Variants in CALN1 observed in about 807,000 individuals in gnomAD.
The protein encoded by CALN1 is calcium-binding protein 8.
A neutral mutation model predicts 30.6 loss-of-function variants in CALN1; 17 were observed. The observed-to-expected ratio is 0.56, with a 90% CI of 0.38 to 0.83. The LOEUF is 0.83. Ranked by LOEUF, CALN1 falls within the 40% of genes least tolerant of loss-of-function variation. CALN1 has a pLI of 0.00. For synonymous variants in CALN1, 156 were observed against 131.4 expected (o/e 1.19, Z -1.28); for missense variants, 291 against 354.9 (o/e 0.82, Z 1.45).
At chr7:71,883,127 C>CTCTAGT (rs937384577) in intron 5 of CALN1, among the ~76,000 whole-genome samples, 2 of 151,954 alleles carry the variant, frequency 1.3e-5, no homozygotes, top group African/African-American at 4.8e-5. Context: ...ATATCTATAG[C>CTCTAGT]TCTATATCTA....
At chr7:71,873,861 T>C (rs1792089681) in intron 5 of CALN1, among the ~76,000 whole-genome samples, 1 of 152,268 alleles carries the variant, frequency 6.6e-6, no homozygotes, top group Non-Finnish European at 1.5e-5. Context: ...ATAACAACTA[T>C]TCTGTTGCAA....
chr7:72,199,589 G>A (rs551397698), intron 3 of CALN1, among the ~76,000 whole-genome samples: 6 of 152,286 alleles, frequency 3.9e-5, no homozygotes, highest in East Asian at 1.9e-4. Context: ...AGTGGTGCCC[G>A]TCTGTAATCC....
intron 5 of CALN1, among the ~76,000 whole-genome samples, chr7:71,906,224 A>G (rs1009545497): frequency 6.6e-6 from 1 of 152,184 alleles, no homozygotes; most frequent in Non-Finnish European, 1.5e-5. Context: ...CGCTCTGGTG[A>G]TCATTCCTAT....
chr7:72,321,230 G>A (rs1037628402), intron 2 of CALN1, among the ~76,000 whole-genome samples: 1 of 152,134 alleles, frequency 6.6e-6, no homozygotes, highest in Non-Finnish European at 1.5e-5. Flanking sequence ...TCATCTCAAG[G>A]CAGCTCACAA....
chr7:72,098,762 G>GGCACACACACA (rs1806419176), intron 4 of CALN1, among the ~76,000 whole-genome samples: 12 of 115,290 alleles, frequency 1.0e-4, no homozygotes, highest in African/African-American at 4.1e-4. Flanking sequence ...CCCATTTGGC[G>GGCACACACACA]CGCACACACA....
chr7:71,977,846 C>T (rs1180409055), intron 5 of CALN1, among the ~76,000 whole-genome samples: 1 of 150,352 alleles, frequency 6.7e-6, no homozygotes, highest in Non-Finnish European at 1.5e-5. Context: ...GAAGGAGAAT[C>T]GCTTGAACCT....
chr7:72,075,091 C>G (rs1194637392), intron 4 of CALN1, among the ~76,000 whole-genome samples: 1 of 152,174 alleles, frequency 6.6e-6, no homozygotes, highest in Non-Finnish European at 1.5e-5. Flanking sequence ...AGCTTGAGTC[C>G]AAAGTCAAGA....
chr7:72,194,585 C>G (rs915795857), intron 3 of CALN1, among the ~76,000 whole-genome samples: 2 of 146,654 alleles, frequency 1.4e-5, no homozygotes, highest in Non-Finnish European at 3.0e-5. Flanking sequence ...GATCTCCTAA[C>G]TGGCCTCTTT....
chr7:72,008,748 C>A (rs546539579), intron 5 of CALN1, among the ~76,000 whole-genome samples: 1 of 151,574 alleles, frequency 6.6e-6, no homozygotes, highest in Non-Finnish European at 1.5e-5. Context: ...CTCCGCCTCC[C>A]GGGTTCAAGT....
At chr7:71,939,946 C>T (rs774479641) in intron 5 of CALN1, among the ~76,000 whole-genome samples, 7 of 152,182 alleles carry the variant, frequency 4.6e-5, no homozygotes, top group Admixed American at 2.6e-4. Flanking sequence ...ACAGAGGATA[C>T]GCCTTACAAA....
chr7:72,271,014 T>C (rs1233802779), intron 3 of CALN1, among the ~76,000 whole-genome samples: 2 of 152,150 alleles, frequency 1.3e-5, no homozygotes, highest in Non-Finnish European at 2.9e-5. Flanking sequence ...TCAAGATATA[T>C]GGGACTAAAG....
At chr7:72,115,503 T>A in intron 3 of CALN1, among the ~76,000 whole-genome samples, 1 of 119,458 alleles carries the variant, frequency 8.4e-6, no homozygotes. Context: ...TTTTTTTTTT[T>A]TTTTTTGGAG....
chr7:72,487,940 A>AG, the CALN1 span, among the ~76,000 whole-genome samples: 68 of 76,642 alleles, frequency 8.9e-4, no homozygotes, highest in African/African-American at 1.1e-3. Context: ...GAAGGAAGGA[A>AG]GGAAGGAAGG....
At position 72,106,925 on chromosome 7, in the gene CALN1, C is replaced by T. The variant is rs529722373; in HGVS notation, c.245-631G>A. On this transcript the variant is annotated intron_variant, in intron 3 of 6. Coordinates refer to ENST00000395275, the MANE Select transcript of CALN1 (RefSeq NM_031468.4). ...AGGAAGGAAGGAGGGAAGAAAGGAA[C>T]GCAGGCAGACAAGGAAAAAAAGAAA... 1.0e-3 allele frequency among the ~76,000 whole-genome samples: 141 copies of T among 134,394 alleles called. 1 individual carries two copies. Among genetic ancestry groups the T allele is most frequent in the African/African-American group, 3.7e-3 (132 of 35,438 alleles). 88.2% of individuals were successfully genotyped at this position (134,394 alleles called of 152,430 possible). A position where few individuals can be genotyped will look rare whatever the true frequency, so the allele number is the denominator to read the frequency against.
At chr7:72,027,292 C>T (rs1453801716) in intron 4 of CALN1, among the ~76,000 whole-genome samples, 1 of 152,152 alleles carries the variant, frequency 6.6e-6, no homozygotes, top group African/African-American at 2.4e-5. Context: ...GGTTCTTTTG[C>T]CCAGGTACTC....
chr7:71,884,063 G>A (rs867821154), intron 5 of CALN1, among the ~76,000 whole-genome samples: 4 of 152,008 alleles, frequency 2.6e-5, no homozygotes, highest in Non-Finnish European at 4.4e-5. Context: ...ACAGGTGTGC[G>A]CCACCACGCC....
intron 2 of CALN1, among the ~76,000 whole-genome samples, chr7:72,382,546 AT>A (rs1001783417): frequency 3.9e-5 from 6 of 152,132 alleles, no homozygotes; most frequent in African/African-American, 1.4e-4. Flanking sequence ...TTGAGGTACA[AT>A]TTTATCCATC....
chr7:72,239,392 T>C (rs1794692134), intron 3 of CALN1, among the ~76,000 whole-genome samples: 1 of 151,890 alleles, frequency 6.6e-6, no homozygotes, highest in African/African-American at 2.4e-5. Context: ...CAAGACCTTG[T>C]CCCTAAAAAT....
chr7:72,309,987 A>G (rs1461421601), intron 2 of CALN1, among the ~76,000 whole-genome samples: 1 of 152,102 alleles, frequency 6.6e-6, no homozygotes, highest in Non-Finnish European at 1.5e-5. Flanking sequence ...CCCTGTTCAC[A>G]TCGGTCCGCC....
Sources: gnomAD v4.1 joint callset for allele counts (sites outside exome capture counted in the v4.1 genomes callset) on GRCh38, gnomAD v4.1.1 for gene constraint, MANE v1.5 for transcripts, NCBI Gene and HGNC (gene_info 2026-07-23, HGNC 2026-07-21) for gene names.